Variants in ZNF853 observed in about 807,000 individuals in gnomAD.
The protein encoded by ZNF853 is zinc finger protein 853.
In ZNF853, 57 loss-of-function variants were observed where a neutral mutation model predicts 94.7. The ratio of observed to expected loss-of-function variants is 0.60; its 90% CI spans 0.49 to 0.75. The LOEUF is 0.75. ZNF853 is among the 30% of genes least tolerant of loss of function. The pLI is 0.00. For missense variants in ZNF853, 785 were observed against 868.9 expected, an observed-to-expected ratio of 0.90 and a Z score of 1.21; for synonymous variants, 448 against 406.3, an observed-to-expected ratio of 1.10 and a Z score of -1.23.
chr7:6,624,163 G>A lies in ZNF853; in HGVS notation c.*1192G>A, dbSNP rs1284074592. The A allele has an allele frequency of 6.6e-6, 1 of 152,204 alleles. No homozygotes were observed. The highest frequency in any genetic ancestry group is 2.4e-5 in the African/African-American group (1 of 41,440). 9.4% of individuals were successfully genotyped at this position (152,204 alleles called of 1,614,324 possible). A position where few individuals can be genotyped will look rare whatever the true frequency, so the allele number is the denominator to read the frequency against. ...TCCTGCTTGACCTGACTCTTCACATGTGGCTGCTTAATTCCTGCCCCTCTC... is the reference window on the plus strand; with the variant it reads ...TCCTGCTTGACCTGACTCTTCACATATGGCTGCTTAATTCCTGCCCCTCTC... On this transcript the variant is annotated 3_prime_UTR_variant, in exon 3 of 3. Transcript: ENST00000457543.
intron 2 of ZNF853, among the ~76,000 whole-genome samples, chr7:6,618,265 C>G: frequency 6.6e-6 from 1 of 152,178 alleles, no homozygotes; most frequent in South Asian, 2.1e-4. Flanking sequence ...CCACTGCACT[C>G]CAGCCTTGGT....
At position 6,622,403 on chromosome 7, in the gene ZNF853, C is replaced by T; in HGVS notation, c.1412C>T (p.Pro471Leu). The part of the protein sequence containing the change: ...PGPAGSAALT[P>L]ARQRRRRRAR... ...CCGGCAGGCAGCGCGGCGTTGACCC[C>T]TGCACGGCAGCGGCGGCGGCGGCGC... The change falls in exon 3 of 3, where the codon CCT (proline) becomes CTT (leucine). Residue 471 changes from proline to leucine, a missense_variant. Transcript: ENST00000457543. 7.1e-7 allele frequency: 1 copy of T among 1,406,638 alleles called. No homozygotes were observed. Among genetic ancestry groups the T allele is most frequent in the African/African-American group, 1.5e-5 (1 of 64,912 alleles). 87.1% of individuals were successfully genotyped at this position (1,406,638 alleles called of 1,614,324 possible). A position where few individuals can be genotyped will look rare whatever the true frequency, so the allele number is the denominator to read the frequency against.
chr7:6,622,359 C>G lies in ZNF853; in HGVS notation c.1368C>G (p.Ala456=). The change falls in exon 3 of 3, where the codon GCC becomes GCG. Residue 456 remains alanine, a synonymous_variant. Transcript: ENST00000457543. ...TGCTGCCCGCCGTGGCAGCGCCGGC[C>G]GTGGTGGCCATCCCGGGCCCGGCAG... ...LMVLPAVAAP[A]VVAIPGPAGS... 1.4e-6 allele frequency: 2 copies of G among 1,436,512 alleles called. No individual in the cohort carries two copies. The highest frequency in any genetic ancestry group is 1.4e-5 in the South Asian group (1 of 72,624). 89.0% of individuals were successfully genotyped at this position (1,436,512 alleles called of 1,614,324 possible).
chr7:6,623,008 C>T lies in ZNF853; in HGVS notation c.*37C>T, dbSNP rs1164698416. 3 of 1,239,554 alleles carry T rather than the reference C, an allele frequency of 2.4e-6. No individual in the cohort carries two copies. Among genetic ancestry groups the T allele is most frequent in the Admixed American group, 4.2e-5 (1 of 23,746 alleles). 76.8% of individuals were successfully genotyped at this position (1,239,554 alleles called of 1,614,324 possible). A position where few individuals can be genotyped will look rare whatever the true frequency, so the allele number is the denominator to read the frequency against. ...GGGGCTGCCTGGCCGGGAGGGGACC[C>T]CCCACCCGCCTCCACCTGAAAAGCT... On this transcript the variant is annotated 3_prime_UTR_variant, in exon 3 of 3. Coordinates refer to ENST00000457543, the MANE Select transcript of ZNF853 (RefSeq NM_017560.3).
At chr7:6,620,155 G>A in intron 2 of ZNF853, among the ~76,000 whole-genome samples, 5 of 152,140 alleles carry the variant, frequency 3.3e-5, no homozygotes, top group Non-Finnish European at 7.3e-5. Flanking sequence ...TATACCTGCC[G>A]ACTGGTAGAG....
chr7:6,622,299 T>C lies in ZNF853; in HGVS notation c.1308T>C (p.Ala436=). Residue 436 remains alanine (A), a synonymous_variant, in exon 3 of 3, where the codon GCT becomes GCC. Transcript: ENST00000457543. ...VPGAPAAVVV[A]PPGYVVVQEL... ...GGGCTCCGGCCGCGGTCGTGGTGGC[T>C]CCCCCGGGCTACGTGGTGGTGCAGG... 6.6e-7 allele frequency: 1 copy of C among 1,505,084 alleles called. No individual in the cohort carries two copies. 93.2% of individuals were successfully genotyped at this position (1,505,084 alleles called of 1,614,324 possible). A position where few individuals can be genotyped will look rare whatever the true frequency, so the allele number is the denominator to read the frequency against.
chr7:6,622,975 C>A lies in ZNF853; in HGVS notation c.*4C>A, dbSNP rs1325371935. 8.0e-6 allele frequency: 10 copies of A among 1,247,730 alleles called. No individual in the cohort carries two copies. The highest frequency in any genetic ancestry group is 1.5e-5 in the African/African-American group (1 of 64,576). 77.3% of individuals were successfully genotyped at this position (1,247,730 alleles called of 1,614,324 possible). A position where few individuals can be genotyped will look rare whatever the true frequency, so the allele number is the denominator to read the frequency against. On this transcript the variant is annotated 3_prime_UTR_variant, in exon 3 of 3. Transcript: ENST00000457543. Reference sequence around the variant, plus strand: ...GCCCGCAGACAAGGCGCTGTGAGGGCCGTGATCGGGGCTGCCTGGCCGGGA... The same window carrying A: ...GCCCGCAGACAAGGCGCTGTGAGGGACGTGATCGGGGCTGCCTGGCCGGGA...
At chr7:6,619,919 A>G in intron 2 of ZNF853, among the ~76,000 whole-genome samples, 1 of 152,212 alleles carries the variant, frequency 6.6e-6, no homozygotes, top group African/African-American at 2.4e-5. Context: ...CGCCCAGCCT[A>G]GTTAGTCCTT....
intron 2 of ZNF853, 143 bp downstream of exon 2, chr7:6,617,450 G>C: frequency 4.2e-6 from 4 of 947,456 alleles, no homozygotes; most frequent in Non-Finnish European, 5.8e-6. Flanking sequence ...TCTCCCTTGA[G>C]ATTTTCCAAG....
In ZNF853 at chr7:6,622,015, T is replaced by A. The variant is rs1214947113; in HGVS notation, c.1024T>A (p.Leu342Met). ...EQELEQQRQE[L>M]ERQQELERQQ... ...GGAGCTGGAGCAGCAGCGGCAGGAG[T>A]TGGAGCGGCAGCAGGAGCTGGAACG... Residue 342 changes from leucine to methionine, a missense_variant, in exon 3 of 3, where the codon TTG becomes ATG. By Grantham distance (15) the Leu-to-Met change is conservative. Coordinates refer to ENST00000457543, the MANE Select transcript of ZNF853 (RefSeq NM_017560.3). The A allele has an allele frequency of 6.5e-7, 1 of 1,547,272 alleles. No individual in the cohort carries two copies. The highest frequency in any genetic ancestry group is 8.7e-7 in the Non-Finnish European group (1 of 1,145,830).
chr7:6,622,991 C>T lies in ZNF853; in HGVS notation c.*20C>T, dbSNP rs1782669838. The T allele has an allele frequency of 1.6e-6, 2 of 1,245,416 alleles. No individual in the cohort carries two copies. The highest frequency in any genetic ancestry group is 3.1e-5 in the East Asian group (1 of 31,794). The allele number at this position is 1,245,416 out of a possible 1,614,324, so 77.1% of individuals were successfully genotyped here. ...CTGTGAGGGCCGTGATCGGGGCTGC[C>T]TGGCCGGGAGGGGACCCCCCACCCG... is the stretch of plus-strand genomic sequence containing the variant. On this transcript the variant is annotated 3_prime_UTR_variant, in exon 3 of 3. Transcript: ENST00000457543.
chr7:6,623,181 A>C lies in ZNF853; in HGVS notation c.*210A>C. 2.2e-6 allele frequency: 1 copy of C among 455,966 alleles called. No homozygotes were observed. Among genetic ancestry groups the C allele is most frequent in the Non-Finnish European group, 3.6e-6 (1 of 278,684 alleles). 28.2% of individuals were successfully genotyped at this position (455,966 alleles called of 1,614,324 possible). On this transcript the variant is annotated 3_prime_UTR_variant, in exon 3 of 3. Transcript: ENST00000457543. ...ACCGCCAGAAAAATCCATCCGCCAA[A>C]AGAGAAGTGGACCGGGGCTGAAACA...
At chr7:6,619,764 G>T in intron 2 of ZNF853, among the ~76,000 whole-genome samples, 1 of 152,200 alleles carries the variant, frequency 6.6e-6, no homozygotes, top group African/African-American at 2.4e-5. Flanking sequence ...GGATTTTCCA[G>T]TAGCACAATA....
chr7:6,622,050 G>A lies in ZNF853; in HGVS notation c.1059G>A (p.Glu353=), dbSNP rs1191097659. ...ERQQELERQQ[E]QRQLQLKLQE... ...AGCAGGAGCTGGAACGGCAGCAGGA[G>A]CAGCGGCAGCTGCAGCTCAAACTGC... The change falls in exon 3 of 3, where the codon GAG becomes GAA. Residue 353 remains glutamate, a synonymous_variant. Transcript: ENST00000457543. 2 of 1,547,882 alleles carry A rather than the reference G, an allele frequency of 1.3e-6. No individual in the cohort carries two copies. Among genetic ancestry groups the A allele is most frequent in the East Asian group, 2.4e-5 (1 of 40,910 alleles).
At position 6,622,171 on chromosome 7, in the gene ZNF853, G is replaced by A. The variant is rs1397631567; in HGVS notation, c.1180G>A (p.Gly394Ser). ...VQLELTPVEL[G>S]AQQQEVQLEL... The stretch of plus-strand genomic sequence containing the variant: ...GCTGGAGCTGACCCCGGTGGAGCTA[G>A]GCGCCCAGCAGCAGGAGGTGCAGCT... Residue 394 changes from glycine (G) to serine (S), a missense_variant, in exon 3 of 3, where the codon GGC becomes AGC. By Grantham distance (56) the Gly-to-Ser change is moderately conservative (BLOSUM62 0). Coordinates refer to ENST00000457543, the MANE Select transcript of ZNF853 (RefSeq NM_017560.3). 6.5e-7 allele frequency: 1 copy of A among 1,540,782 alleles called. No individual in the cohort carries two copies. Among genetic ancestry groups the A allele is most frequent in the South Asian group, 1.2e-5 (1 of 83,952 alleles).
chr7:6,616,125 G>C lies in ZNF853; in HGVS notation c.-50G>C, dbSNP rs767597586. On this transcript the variant is annotated 5_prime_UTR_variant, in exon 1 of 3. Transcript: ENST00000457543. Reference sequence around the variant, plus strand: ...TGCACGCCGTGGCCTTCACCTCGCAGCCTCTGCTGACCACACCTCCCTAGC... The same window carrying C: ...TGCACGCCGTGGCCTTCACCTCGCACCCTCTGCTGACCACACCTCCCTAGC... The C allele has an allele frequency of 3.3e-6, 5 of 1,532,452 alleles. No individual in the cohort carries two copies. In the South Asian group the frequency reaches 6.0e-5, roughly 18 times the overall value. 94.9% of individuals were successfully genotyped at this position (1,532,452 alleles called of 1,614,324 possible).
chr7:6,617,447 T>C, intron 2 of ZNF853, 140 bp downstream of exon 2: 3 of 927,738 alleles, frequency 3.2e-6, no homozygotes, highest in African/African-American at 3.5e-5. Context: ...AGCTCTCCCT[T>C]GAGATTTTCC....
rs1380155820 is a variant in ZNF853, at chr7:6,616,124, A to G, written c.-51A>G. On this transcript the variant is annotated 5_prime_UTR_variant, in exon 1 of 3. Transcript: ENST00000457543. ...CTGCACGCCGTGGCCTTCACCTCGC[A>G]GCCTCTGCTGACCACACCTCCCTAG... is the stretch of plus-strand genomic sequence containing the variant. 2.0e-6 allele frequency: 3 copies of G among 1,530,772 alleles called. No individual in the cohort carries two copies. Among genetic ancestry groups the G allele is most frequent in the Non-Finnish European group, 8.8e-7 (1 of 1,135,268 alleles). The allele number at this position is 1,530,772 out of a possible 1,614,324, so 94.8% of individuals were successfully genotyped here.
In ZNF853 at chr7:6,615,924, C is replaced by A; in HGVS notation, c.-251C>A. ...GGGCCCTGCCTCCCGCCCCAGCCCC[C>A]GCCGGAGAGTCTCCACCAACTTCTG... is the stretch of plus-strand genomic sequence containing the variant. On this transcript the variant is annotated 5_prime_UTR_variant, in exon 1 of 3. Transcript: ENST00000457543. This position sits in a 1 kb window ranked among gnomAD's most constrained non-coding sequence, Gnocchi z 8.5. 1 of 395,498 alleles carries A rather than the reference C, an allele frequency of 2.5e-6. No homozygotes were observed. The highest frequency in any genetic ancestry group is 4.5e-6 in the Non-Finnish European group (1 of 219,958). 24.5% of individuals were successfully genotyped at this position (395,498 alleles called of 1,614,324 possible). A position where few individuals can be genotyped will look rare whatever the true frequency, so the allele number is the denominator to read the frequency against.
Sources: gnomAD v4.1 joint callset for allele counts (sites outside exome capture counted in the v4.1 genomes callset) on GRCh38, gnomAD v4.1.1 for gene constraint, Gnocchi (gnomAD v3.1) non-coding constraint, MANE v1.5 for transcripts, NCBI Gene and HGNC (gene_info 2026-07-23, HGNC 2026-07-21) for gene names.